SORCS2: variants seen among roughly 807,000 people sequenced by gnomAD.
SORCS2 encodes VPS10 domain-containing receptor SorCS2.
SORCS2 carries 100 observed loss-of-function variants against 141.6 expected under a neutral mutation model. That is an observed-to-expected ratio of 0.71 (90% CI 0.60 to 0.83). SORCS2 has a LOEUF of 0.83. Ranked by LOEUF, SORCS2 falls within the 40% of genes least tolerant of loss-of-function variation. The pLI is 0.00. For synonymous variants in SORCS2, 789 were observed against 676.9 expected, an observed-to-expected ratio of 1.17 and a Z score of -2.57; for missense variants, 1,646 against 1,560.2, an observed-to-expected ratio of 1.05 and a Z score of -0.93.
intron 1 of SORCS2, among the ~76,000 whole-genome samples, chr4:7,305,877 A>G (rs937376191): frequency 6.6e-5 from 10 of 152,068 alleles, no homozygotes; most frequent in Non-Finnish European, 1.3e-4. Flanking sequence ...AACTCACTAC[A>G]TCCTCCAGTT....
At position 7,242,828 on chromosome 4, in the gene SORCS2, G is replaced by A. The variant is rs115957330; in HGVS notation, c.480+49702G>A. 7.5e-3 allele frequency among the ~76,000 whole-genome samples: 1,137 copies of A among 152,304 alleles called. 13 individuals carry two copies. Among genetic ancestry groups the A allele is most frequent in the African/African-American group, 0.026 (1,066 of 41,570 alleles). On this transcript the variant is annotated intron_variant, in intron 1 of 26. Coordinates refer to ENST00000507866, the MANE Select transcript of SORCS2 (RefSeq NM_020777.3). Reference sequence around the variant, plus strand: ...GTTAGCTGCAAACATGTCTATGAGCGCCCCAGCTTGTCGCCTGCAGTGGGC... The same window carrying A: ...GTTAGCTGCAAACATGTCTATGAGCACCCCAGCTTGTCGCCTGCAGTGGGC...
intron 26 of SORCS2, among the ~76,000 whole-genome samples, chr4:7,739,837 A>G (rs1378813556): frequency 1.3e-5 from 2 of 151,724 alleles, no homozygotes; most frequent in Non-Finnish European, 2.9e-5. Flanking sequence ...TCGCCACTCT[A>G]CGCCCTGCAG....
chr4:7,560,898 G>C (rs1417343263), intron 3 of SORCS2, among the ~76,000 whole-genome samples: 1 of 152,170 alleles, frequency 6.6e-6, no homozygotes, highest in East Asian at 1.9e-4. Flanking sequence ...TGTAGCCTTG[G>C]GAGGTAGGGA....
intron 1 of SORCS2, among the ~76,000 whole-genome samples, chr4:7,309,229 T>G (rs1397313274): frequency 1.3e-5 from 2 of 151,916 alleles, no homozygotes; most frequent in Non-Finnish European, 2.9e-5. Flanking sequence ...TCCAGAGAGG[T>G]TAAGTGATTG....
rs555490162 is a variant in SORCS2, at chr4:7,215,378, C to T, written c.480+22252C>T. On this transcript the variant is annotated intron_variant, in intron 1 of 26. Coordinates refer to ENST00000507866, the MANE Select transcript of SORCS2 (RefSeq NM_020777.3). The stretch of plus-strand genomic sequence containing the variant: ...AGCTGCCTTTCCGCGGGGCAGGGCT[C>T]GGGACCTGCAGCCCGCCATGCCTGA... Among the ~76,000 whole-genome samples the T allele has an allele frequency of 1.3e-4, 20 of 152,346 alleles. No homozygotes were observed. In the South Asian group the frequency reaches 2.9e-3, roughly 22 times the overall value.
At position 7,221,558 on chromosome 4, in the gene SORCS2, CA is replaced by C. The variant is rs542989373; in HGVS notation, c.480+28433del. 1.7e-3 allele frequency among the ~76,000 whole-genome samples: 263 copies of C among 152,366 alleles called. 1 individual carries two copies. The highest frequency in any genetic ancestry group is 3.0e-3 in the Non-Finnish European group (207 of 68,036). ...CCTCTGAGCAGAACTGTTGCAGCCACAGGGATGTCGGGTGGAGCAGTGGTTT... is the reference window on the plus strand; with the variant it reads ...CCTCTGAGCAGAACTGTTGCAGCCACGGGATGTCGGGTGGAGCAGTGGTTT... On this transcript the variant is annotated intron_variant, in intron 1 of 26. Transcript: ENST00000507866.
chr4:7,470,753 G>C (rs1215390210), intron 2 of SORCS2, among the ~76,000 whole-genome samples: 1 of 152,226 alleles, frequency 6.6e-6, no homozygotes, highest in Non-Finnish European at 1.5e-5. Flanking sequence ...CCCAGCCCCA[G>C]CCTGCATGGA....
intron 2 of SORCS2, among the ~76,000 whole-genome samples, chr4:7,521,551 G>T (rs1288238787): frequency 1.3e-5 from 2 of 152,160 alleles, no homozygotes; most frequent in Non-Finnish European, 2.9e-5. Flanking sequence ...CTCTTCGCGG[G>T]TTCTGTGGAG....
intron 1 of SORCS2, among the ~76,000 whole-genome samples, chr4:7,378,507 C>G (rs922139042): frequency 4.6e-5 from 7 of 152,162 alleles, no homozygotes; most frequent in Admixed American, 1.3e-4. Context: ...GGGGGAAGCC[C>G]TTTATAAAAC....
At chr4:7,336,870 C>A (rs1054622397) in intron 1 of SORCS2, among the ~76,000 whole-genome samples, 2 of 152,136 alleles carry the variant, frequency 1.3e-5, no homozygotes, top group Non-Finnish European at 2.9e-5. Flanking sequence ...AACAGAAGGC[C>A]CTGGGTCTGA....
In SORCS2 at chr4:7,208,579, G is replaced by A. The variant is rs368328682; in HGVS notation, c.480+15453G>A. 3.9e-5 allele frequency among the ~76,000 whole-genome samples: 6 copies of A among 152,234 alleles called. No individual in the cohort carries two copies. In the South Asian group the frequency reaches 8.3e-4, roughly 21 times the overall value. ...GGATGACCACGGCTGTTTCAAGGGC[G>A]AGAGGCTGCAGCTCCATCCTCTGTC... On this transcript the variant is annotated intron_variant, in intron 1 of 26. Transcript: ENST00000507866.
chr4:7,739,611 G>A (rs1712483347), intron 26 of SORCS2, among the ~76,000 whole-genome samples: 1 of 152,154 alleles, frequency 6.6e-6, no homozygotes, highest in Non-Finnish European at 1.5e-5. Context: ...GGTGAAGGAT[G>A]GGCGAGGACT....
At chr4:7,475,651 G>C (rs576256486) in intron 2 of SORCS2, among the ~76,000 whole-genome samples, 1 of 152,372 alleles carries the variant, frequency 6.6e-6, no homozygotes, top group South Asian at 2.1e-4. Flanking sequence ...ACTCGTGACT[G>C]TGTGTGCACC....
Position 7,541,517 on chromosome 4 carries a change from C to G in SORCS2, c.648+9888C>G, listed in dbSNP as rs1395911399. The stretch of plus-strand genomic sequence containing the variant: ...CCCTAGCCTCCTCAGGAGGGGCGAT[C>G]ACTCAGGAGCCCTGAGCCAGGCTTG... On this transcript the variant is annotated intron_variant, in intron 3 of 26. Transcript: ENST00000507866. 2.6e-5 allele frequency among the ~76,000 whole-genome samples: 4 copies of G among 152,220 alleles called. No individual in the cohort carries two copies. The East Asian group carries it at 7.7e-4, about 29-fold the overall frequency.
At chr4:7,545,523 G>T (rs1577727559) in intron 3 of SORCS2, among the ~76,000 whole-genome samples, 1 of 152,190 alleles carries the variant, frequency 6.6e-6, no homozygotes, top group Admixed American at 6.5e-5. Flanking sequence ...CATCCCCCAG[G>T]ACAGTGACTG....
intron 1 of SORCS2, among the ~76,000 whole-genome samples, chr4:7,228,971 C>T (rs1369671335): frequency 1.3e-5 from 2 of 152,320 alleles, no homozygotes; most frequent in Middle Eastern, 3.4e-3. Flanking sequence ...CAGGCCGTCC[C>T]GTCCCTGCCC....
chr4:7,214,625 G>A (rs1728220167), intron 1 of SORCS2, among the ~76,000 whole-genome samples: 1 of 152,210 alleles, frequency 6.6e-6, no homozygotes, highest in Admixed American at 6.5e-5. Context: ...AGACTCACAG[G>A]ATCTCAGTTC....
chr4:7,556,938 T>TCCCCCCCCCCC (rs1714177138), intron 3 of SORCS2, among the ~76,000 whole-genome samples: 1 of 69,392 alleles, frequency 1.4e-5, no homozygotes, highest in African/African-American at 5.8e-5. Context: ...CACCCATCCA[T>TCCCCCCCCCCC]CCACCCACTC....
intron 3 of SORCS2, among the ~76,000 whole-genome samples, chr4:7,544,242 C>G (rs1413321736): frequency 6.6e-6 from 1 of 152,234 alleles, no homozygotes; most frequent in African/African-American, 2.4e-5. Context: ...ATTCATTCAA[C>G]TAATATCTAT....
Sources: allele counts gnomAD v4.1 joint callset (sites outside exome capture counted in the v4.1 genomes callset), GRCh38; gene constraint gnomAD v4.1.1; transcripts MANE v1.5; gene names NCBI Gene and HGNC (gene_info 2026-07-23, HGNC 2026-07-21).